The following DAB1 variants were observed in gnomAD, a reference collection of about 807,000 sequenced individuals.
DAB1 encodes the protein disabled homolog 1.
DAB1 carries 15 observed loss-of-function variants against 64.6 expected under a neutral mutation model. The ratio of observed to expected loss-of-function variants is 0.23; its 90% CI spans 0.16 to 0.36. The LOEUF is 0.36. DAB1 is among the 10% of genes least tolerant of loss of function. The pLI, the probability that DAB1 is intolerant of heterozygous loss-of-function variation, is 1.00. For synonymous variants in DAB1, 235 were observed against 251.9 expected, an observed-to-expected ratio of 0.93 and a Z score of 0.64; for missense variants, 596 against 706.7, an observed-to-expected ratio of 0.84 and a Z score of 1.78.
At chr1:58,236,344 T>C (rs1660039493) in intron 4 of DAB1, among the ~76,000 whole-genome samples, 1 of 152,118 alleles carries the variant, frequency 6.6e-6, no homozygotes. Flanking sequence ...AATGGTCTCC[T>C]TTCAGGCCAA....
intron 9 of DAB1, among the ~76,000 whole-genome samples, chr1:57,044,909 A>G (rs899474700): frequency 2.0e-5 from 3 of 152,242 alleles, no homozygotes; most frequent in Non-Finnish European, 4.4e-5. Flanking sequence ...CTTCCTCTGT[A>G]TGAACCAGAC....
intron 11 of DAB1, among the ~76,000 whole-genome samples, chr1:57,015,897 A>G (rs575201211): frequency 2.0e-5 from 3 of 152,330 alleles, no homozygotes; most frequent in Middle Eastern, 3.4e-3. Context: ...GGACTTAGGC[A>G]GTGTGCAGAG....
At chr1:58,425,112 T>C (rs1311478750) in intron 3 of DAB1, among the ~76,000 whole-genome samples, 1 of 152,246 alleles carries the variant, frequency 6.6e-6, no homozygotes, top group Non-Finnish European at 1.5e-5. Context: ...CTGATATCTT[T>C]GTCTGAGGTT....
At chr1:57,532,615 A>G (rs558777777) in intron 7 of DAB1, among the ~76,000 whole-genome samples, 13 of 152,296 alleles carry the variant, frequency 8.5e-5, no homozygotes, top group African/African-American at 2.9e-4. Context: ...ATATGCATCA[A>G]TAAGAGATTT....
chr1:57,771,264 T>C (rs1447869221), intron 6 of DAB1, among the ~76,000 whole-genome samples: 3 of 152,142 alleles, frequency 2.0e-5, no homozygotes, highest in African/African-American at 7.2e-5. Context: ...ATATCAGGAA[T>C]TTGTAATTCA....
At chr1:57,207,691 G>A (rs984095212) in intron 2 of DAB1, among the ~76,000 whole-genome samples, 5 of 151,530 alleles carry the variant, frequency 3.3e-5, no homozygotes, top group Admixed American at 6.6e-5. Context: ...TGATCCGCCC[G>A]CCTCGGCCTC....
chr1:58,526,529 G>T (rs1416930167), intron 2 of DAB1, among the ~76,000 whole-genome samples: 2 of 149,944 alleles, frequency 1.3e-5, no homozygotes, highest in Non-Finnish European at 3.0e-5. Flanking sequence ...GCTGCCAGGT[G>T]CCCTGTTAAG....
At chr1:57,193,381 G>GTTTTTTTTTTTTTTTTT (rs999329119) in intron 2 of DAB1, among the ~76,000 whole-genome samples, 3 of 83,060 alleles carry the variant, frequency 3.6e-5, no homozygotes, top group East Asian at 7.5e-4. Context: ...CGTAGCATAT[G>GTTTTTTTTTTTTTTTTT]TTTTTTTTTT....
intron 9 of DAB1, among the ~76,000 whole-genome samples, chr1:57,041,804 A>C (rs899835445): frequency 2.6e-5 from 4 of 152,234 alleles, no homozygotes; most frequent in East Asian, 3.8e-4. Context: ...TGTTTTAAAA[A>C]TTTCAGAATT....
intron 2 of DAB1, among the ~76,000 whole-genome samples, chr1:57,279,250 G>C (rs77894633): frequency 0.023 from 3,554 of 152,066 alleles, 139 homozygotes; most frequent in African/African-American, 0.081. Context: ...ATATAAAATG[G>C]CATAGTATTT....
At chr1:58,191,812 C>T (rs112223959) in intron 4 of DAB1, among the ~76,000 whole-genome samples, 30 of 152,260 alleles carry the variant, frequency 2.0e-4, no homozygotes, top group African/African-American at 7.2e-4. Context: ...GTGCCTAGCA[C>T]AGAGGCTGGT....
chr1:57,613,835 G>A (rs1442237130), intron 7 of DAB1, among the ~76,000 whole-genome samples: 1 of 152,130 alleles, frequency 6.6e-6, no homozygotes, highest in Non-Finnish European at 1.5e-5. Flanking sequence ...GAGAGACCTG[G>A]GTTCAAATTC....
chr1:57,308,320 A>G (rs1162238115), intron 1 of DAB1, among the ~76,000 whole-genome samples: 1 of 152,198 alleles, frequency 6.6e-6, no homozygotes, highest in East Asian at 1.9e-4. Flanking sequence ...CGTCCATGCA[A>G]GGAGGAATGG....
At chr1:57,205,516 T>C (rs1665465727) in intron 2 of DAB1, among the ~76,000 whole-genome samples, 1 of 152,218 alleles carries the variant, frequency 6.6e-6, no homozygotes, top group Non-Finnish European at 1.5e-5. Flanking sequence ...ATATGGGCTA[T>C]GAGATCAGCA....
intron 4 of DAB1, among the ~76,000 whole-genome samples, chr1:57,102,196 T>G (rs903485047): frequency 2.6e-5 from 4 of 152,164 alleles, no homozygotes; most frequent in Admixed American, 1.3e-4. Flanking sequence ...TCTTCTCTCT[T>G]TCTCTGTCTC....
At chr1:57,004,434 C>G (rs1048147847) in intron 14 of DAB1, among the ~76,000 whole-genome samples, 2 of 152,220 alleles carry the variant, frequency 1.3e-5, no homozygotes, top group Non-Finnish European at 2.9e-5. Context: ...TGCATGCTGA[C>G]AAAGGTGATC....
At chr1:57,146,994 T>C (rs1356823123) in intron 2 of DAB1, among the ~76,000 whole-genome samples, 2 of 151,926 alleles carry the variant, frequency 1.3e-5, no homozygotes, top group Non-Finnish European at 2.9e-5. Context: ...TGTATTTACA[T>C]GGTAACTTTT....
intron 4 of DAB1, among the ~76,000 whole-genome samples, chr1:58,316,342 G>A (rs1420291707): frequency 6.6e-6 from 1 of 152,204 alleles, no homozygotes; most frequent in Admixed American, 6.5e-5. Context: ...CAGGTGGTAT[G>A]CAAATATTTA....
At chr1:57,563,817 G>A (rs11811865) in intron 7 of DAB1, among the ~76,000 whole-genome samples, 1,841 of 152,314 alleles carry the variant, frequency 0.012, 52 homozygotes, top group African/African-American at 0.042. Context: ...GGAGCCCACC[G>A]CAGCTCAAGA....
Sources: gnomAD v4.1 joint callset for allele counts (sites outside exome capture counted in the v4.1 genomes callset) on GRCh38, gnomAD v4.1.1 for gene constraint, MANE v1.5 for transcripts, NCBI Gene and HGNC (gene_info 2026-07-23, HGNC 2026-07-21) for gene names.